The following CRADD variants were observed in gnomAD, a reference collection of about 807,000 sequenced individuals.
CRADD encodes the protein CARD and death domain containing adaptor protein, also known as death domain-containing protein CRADD.
In CRADD, 9 loss-of-function variants were observed where a neutral mutation model predicts 15.5. The observed-to-expected ratio is 0.58, with a 90% CI of 0.35 to 1.01. The LOEUF is 1.01. Among genes scored for constraint, CRADD ranks in the 50% least tolerant of loss-of-function variants. The pLI is 0.02. For missense variants in CRADD, 227 were observed against 250.3 expected (o/e 0.91, Z 0.63); for synonymous variants, 118 against 107.6 (o/e 1.10, Z -0.60).
At chr12:93,680,906 C>T (rs1197062317) in intron 2 of CRADD, among the ~76,000 whole-genome samples, 2 of 149,956 alleles carry the variant, frequency 1.3e-5, no homozygotes, top group African/African-American at 2.5e-5. Flanking sequence ...TTTTTTGAGA[C>T]GGAGTTTCAC....
At chr12:93,867,403 A>T (rs113964968) in intron 2 of CRADD, among the ~76,000 whole-genome samples, 2,239 of 143,408 alleles carry the variant, frequency 0.016, 149 homozygotes, top group African/African-American at 0.053. Flanking sequence ...ATATATATAT[A>T]TTTTTTAAAC....
At chr12:93,888,355 G>A (rs1958552835) in intron 2 of CRADD, among the ~76,000 whole-genome samples, 1 of 151,470 alleles carries the variant, frequency 6.6e-6, no homozygotes, top group South Asian at 2.1e-4. Context: ...AACCCGGGAG[G>A]CGGAGCTTGC....
At position 93,850,537 on chromosome 12, in the gene CRADD, G is replaced by A. The variant is rs547493054; in HGVS notation, c.*266G>A. 44 of 1,135,464 alleles carry A rather than the reference G, an allele frequency of 3.9e-5. No homozygotes were observed. Among genetic ancestry groups the A allele is most frequent in the Middle Eastern group, 7.1e-4 (2 of 2,812 alleles). 70.3% of individuals were successfully genotyped at this position (1,135,464 alleles called of 1,614,324 possible). A position where few individuals can be genotyped will look rare whatever the true frequency, so the allele number is the denominator to read the frequency against. On this transcript the variant is annotated 3_prime_UTR_variant, in exon 3 of 3. Transcript: ENST00000332896. The surrounding 1 kb of genome is among the most constrained non-coding windows in gnomAD (Gnocchi z 4.0). ...TTGTTCAGTTTTTAAATGTGTAATG[G>A]CATTTTAATAGACTAGTAAATCACA...
At chr12:93,816,148 GTAT>G (rs1469587165) in intron 2 of CRADD, 3 of 152,118 alleles carry the variant, frequency 2.0e-5, no homozygotes, top group Admixed American at 2.0e-4. Context: ...TATATTCAAA[GTAT>G]TATTATTTCA....
At chr12:93,794,895 A>T (rs1435929955) in intron 2 of CRADD, among the ~76,000 whole-genome samples, 2 of 152,132 alleles carry the variant, frequency 1.3e-5, no homozygotes, top group Admixed American at 1.3e-4. Flanking sequence ...AAGCCTTTGC[A>T]GTTCTCTTCT....
chr12:93,809,147 C>G (rs1819784901), intron 2 of CRADD, among the ~76,000 whole-genome samples: 1 of 152,188 alleles, frequency 6.6e-6, no homozygotes, highest in Admixed American at 6.5e-5. Context: ...CTCCTGACCT[C>G]AGGTGATCCA....
At chr12:93,813,915 G>T (rs2137010723) in intron 2 of CRADD, among the ~76,000 whole-genome samples, 1 of 152,284 alleles carries the variant, frequency 6.6e-6, no homozygotes, top group African/African-American at 2.4e-5. Flanking sequence ...GGGCCAGCCA[G>T]AATCACCCTT....
intron 2 of CRADD, among the ~76,000 whole-genome samples, chr12:93,757,940 G>T (rs1956909408): frequency 6.6e-6 from 1 of 152,196 alleles, no homozygotes; most frequent in African/African-American, 2.4e-5. Context: ...GACAAGGGTG[G>T]CAGTGGTGCA....
chr12:93,877,844 C>G (rs1182067695), intron 2 of CRADD, among the ~76,000 whole-genome samples: 1 of 152,130 alleles, frequency 6.6e-6, no homozygotes, highest in African/African-American at 2.4e-5. Context: ...GCTCTATCCC[C>G]CTGTGGCTGT....
At chr12:93,852,337 C>T (rs867573384), downstream of CRADD, among the ~76,000 whole-genome samples, 1 of 152,334 alleles carries the variant, frequency 6.6e-6, no homozygotes, top group Non-Finnish European at 1.5e-5. Context: ...GTCATCTTTC[C>T]GCCATTCACC....
chr12:93,698,397 G>T (rs1378962511), intron 2 of CRADD, among the ~76,000 whole-genome samples: 1 of 152,166 alleles, frequency 6.6e-6, no homozygotes, highest in East Asian at 1.9e-4. Context: ...TCTTCAGAGA[G>T]TAAAACCTCT....
At chr12:93,755,447 C>T (rs1956879110) in intron 2 of CRADD, among the ~76,000 whole-genome samples, 1 of 152,202 alleles carries the variant, frequency 6.6e-6, no homozygotes, top group Non-Finnish European at 1.5e-5. Flanking sequence ...GACAGTGGAA[C>T]TAACTACCCT....
intron 2 of CRADD, among the ~76,000 whole-genome samples, chr12:93,728,453 A>C (rs1956407529): frequency 6.6e-6 from 1 of 152,234 alleles, no homozygotes. Context: ...CGTCAATATC[A>C]CTTTTTGTCC....
chr12:93,693,420 A>C (rs1955621601), intron 2 of CRADD, among the ~76,000 whole-genome samples: 1 of 152,136 alleles, frequency 6.6e-6, no homozygotes, highest in Non-Finnish European at 1.5e-5. Context: ...TGCAAATGGA[A>C]ACCAAAAGAG....
In CRADD at chr12:93,726,532, C is replaced by A. The variant is rs79201906; in HGVS notation, c.298+47460C>A. On this transcript the variant is annotated intron_variant, in intron 2 of 2. Transcript: ENST00000332896. ...TATTTATCTCAGGTCTTGCTTTTTA[C>A]ATTAGAGAAGGAAGCTTTACTAGTA... Among the ~76,000 whole-genome samples, 181 of 152,224 alleles carry A rather than the reference C, an allele frequency of 1.2e-3. No homozygotes were observed. In the East Asian group the frequency reaches 0.015, roughly 13 times the overall value.
At chr12:93,836,154 G>A (rs941410132) in intron 2 of CRADD, 6 of 152,164 alleles carry the variant, frequency 3.9e-5, no homozygotes, top group Admixed American at 3.9e-4. Context: ...GCTTCATGTA[G>A]CAGTTACCAT....
intron 2 of CRADD, among the ~76,000 whole-genome samples, chr12:93,874,143 G>A (rs1050199705): frequency 6.6e-6 from 1 of 151,976 alleles, no homozygotes; most frequent in Non-Finnish European, 1.5e-5. Context: ...GTCTGTTAAA[G>A]TTTTGGGTTT....
intron 2 of CRADD, among the ~76,000 whole-genome samples, chr12:93,763,994 A>G (rs1444892104): frequency 6.6e-6 from 1 of 152,180 alleles, no homozygotes; most frequent in Non-Finnish European, 1.5e-5. Flanking sequence ...AAGAGAGGGT[A>G]TGACTGGTTC....
exon 3 of CRADD, chr12:93,894,203 C>T: frequency 4.4e-6 from 3 of 680,398 alleles, no homozygotes; most frequent in Non-Finnish European, 5.4e-6. Flanking sequence ...GCGATTTTGC[C>T]TTCCAGGGGA....
Sources: gnomAD v4.1 joint callset for allele counts (sites outside exome capture counted in the v4.1 genomes callset) on GRCh38, gnomAD v4.1.1 for gene constraint, Gnocchi (gnomAD v3.1) non-coding constraint, MANE v1.5 for transcripts, NCBI Gene and HGNC (gene_info 2026-07-23, HGNC 2026-07-21) for gene names.